Variants in GTF3C1 observed in about 807,000 individuals in gnomAD.
GTF3C1 encodes the protein general transcription factor 3C polypeptide 1.
In GTF3C1, 57 loss-of-function variants were observed where a neutral mutation model predicts 226.7. The observed-to-expected ratio is 0.25, with a 90% CI of 0.20 to 0.31. GTF3C1 has a LOEUF of 0.31. Ranked by LOEUF, GTF3C1 falls within the 10% of genes least tolerant of loss-of-function variation. GTF3C1 has a pLI of 1.00. For synonymous variants in GTF3C1, 1,090 were observed against 1,084.8 expected, an observed-to-expected ratio of 1.00 and a Z score of -0.09; for missense variants, 2,217 against 2,776.1, an observed-to-expected ratio of 0.80 and a Z score of 4.53.
Position 27,489,677 on chromosome 16 carries a change from C to G in GTF3C1, c.3218G>C (p.Ser1073Thr). 1.2e-6 allele frequency: 2 copies of G among 1,611,724 alleles called. No individual in the cohort carries two copies. The highest frequency in any genetic ancestry group is 2.2e-5 in the South Asian group (2 of 90,816). ...STDQGSDEEG[S>T]LQKEQESAMD... Reference sequence around the variant, plus strand: ...GGCGCTCTCCTGCTCCTTCTGCAGGCTGCCCTCCTCGTCGCTGCCCTGGTC... The same window carrying G: ...GGCGCTCTCCTGCTCCTTCTGCAGGGTGCCCTCCTCGTCGCTGCCCTGGTC... The change falls in exon 20 of 37, where the codon AGC becomes ACC. Residue 1073 changes from serine to threonine, a missense_variant. Ser to Thr is a moderately conservative substitution (Grantham distance 58). Around this residue, in one of 12 missense-constraint regions of GTF3C1, gnomAD observed 353 missense variants for 411.7 expected, o/e 0.86. Coordinates refer to ENST00000356183, the MANE Select transcript of GTF3C1 (RefSeq NM_001520.4).
At chr16:27,526,774 A>C (rs560265876) in intron 6 of GTF3C1, among the ~76,000 whole-genome samples, 84 of 152,288 alleles carry the variant, frequency 5.5e-4, no homozygotes, top group African/African-American at 1.9e-3. Flanking sequence ...CCTTTTCATC[A>C]CTATGGTGAA....
chr16:27,470,531 T>C lies in GTF3C1; in HGVS notation c.4527-136A>G, dbSNP rs902975274. 1.0e-5 allele frequency: 7 copies of C among 694,650 alleles called. No homozygotes were observed. The highest frequency in any genetic ancestry group is 1.7e-5 in the Non-Finnish European group (7 of 405,580). 43.0% of individuals were successfully genotyped at this position (694,650 alleles called of 1,614,324 possible). A position where few individuals can be genotyped will look rare whatever the true frequency, so the allele number is the denominator to read the frequency against. Reference sequence around the variant, plus strand: ...CCCACTTCTTCCCTAAAGCTCTCTGTCCCATCCCAGATGAAGGTGCTGCAT... The same window carrying C: ...CCCACTTCTTCCCTAAAGCTCTCTGCCCCATCCCAGATGAAGGTGCTGCAT... On this transcript the variant is annotated intron_variant, in intron 30 of 36. Coordinates refer to ENST00000356183, the MANE Select transcript of GTF3C1 (RefSeq NM_001520.4). This position sits in a 1 kb window ranked among gnomAD's most constrained non-coding sequence, Gnocchi z 4.9.
chr16:27,489,642 G>A lies in GTF3C1; in HGVS notation c.3253C>T (p.His1085Tyr). The A allele has an allele frequency of 6.2e-7, 1 of 1,611,186 alleles. No homozygotes were observed. The highest frequency in any genetic ancestry group is 1.1e-5 in the South Asian group (1 of 90,904). ...QKEQESAMDK[H>Y]NLERKCAMLE... The stretch of plus-strand genomic sequence containing the variant: ...ATGGCGCACTTGCGCTCCAGGTTGT[G>A]CTTGTCCATGGCGCTCTCCTGCTCC... The change falls in exon 20 of 37, where the codon CAC (histidine) becomes TAC (tyrosine). Residue 1085 changes from histidine to tyrosine, a missense_variant. By Grantham distance (83) the His-to-Tyr change is moderately conservative. Transcript: ENST00000356183.
intron 4 of GTF3C1, among the ~76,000 whole-genome samples, chr16:27,535,463 T>A (rs952933768): frequency 6.6e-6 from 1 of 151,798 alleles, no homozygotes; most frequent in Non-Finnish European, 1.5e-5. Flanking sequence ...TAGTACCAGC[T>A]ACTTGGGAGG....
chr16:27,545,587 T>C (rs752388543), intron 1 of GTF3C1, 64 bp from the exon 2 acceptor site: 7 of 960,238 alleles, frequency 7.3e-6, no homozygotes, highest in Non-Finnish European at 1.2e-5. Flanking sequence ...TGCTTGGCTG[T>C]GTTCTTTTGA....
Position 27,470,918 on chromosome 16 carries a change from G to A in GTF3C1, c.4527-523C>T, listed in dbSNP as rs1045710102. Among the ~76,000 whole-genome samples, 19 of 152,200 alleles carry A rather than the reference G, an allele frequency of 1.2e-4. No homozygotes were observed. Among genetic ancestry groups the A allele is most frequent in the African/African-American group, 4.3e-4 (18 of 41,454 alleles). ...TTCCTTGTCTGTGACCACTGCCCTCGGTTCAGATGGGGACATGCGGTCAGA... is the reference window on the plus strand; with the variant it reads ...TTCCTTGTCTGTGACCACTGCCCTCAGTTCAGATGGGGACATGCGGTCAGA... On this transcript the variant is annotated intron_variant, in intron 30 of 36. Coordinates refer to ENST00000356183, the MANE Select transcript of GTF3C1 (RefSeq NM_001520.4). The surrounding 1 kb of genome is among the most constrained non-coding windows in gnomAD (Gnocchi z 4.9).
chr16:27,483,290 G>A (rs758719901), intron 25 of GTF3C1, 165 bp from the exon 26 acceptor site: 12 of 724,384 alleles, frequency 1.7e-5, no homozygotes, highest in African/African-American at 3.5e-5. Context: ...GAAGGATTTG[G>A]GGTCAGCCAA....
In GTF3C1 at chr16:27,465,588, C is replaced by G. The variant is rs759932325; in HGVS notation, c.5075-48G>C. The G allele has an allele frequency of 5.5e-6, 8 of 1,460,594 alleles. No individual in the cohort carries two copies. In the African/African-American group the frequency reaches 9.7e-5, roughly 18 times the overall value. 90.5% of individuals were successfully genotyped at this position (1,460,594 alleles called of 1,614,324 possible). A position where few individuals can be genotyped will look rare whatever the true frequency, so the allele number is the denominator to read the frequency against. ...CAGAGGCAGCCCGACAGAGGCCCCC[C>G]TCCCCTGACCAATGCACAGGCCACA... On this transcript the variant is annotated intron_variant, in intron 32 of 36. Coordinates refer to ENST00000356183, the MANE Select transcript of GTF3C1 (RefSeq NM_001520.4).
chr16:27,548,754 A>C (rs888904991), intron 1 of GTF3C1, among the ~76,000 whole-genome samples: 1 of 152,182 alleles, frequency 6.6e-6, no homozygotes, highest in African/African-American at 2.4e-5. Context: ...AACAGCACCT[A>C]CCTCATAGGT....
intron 10 of GTF3C1, among the ~76,000 whole-genome samples, chr16:27,504,716 G>A (rs756511644): frequency 3.9e-5 from 6 of 152,052 alleles, no homozygotes; most frequent in Non-Finnish European, 8.8e-5. Flanking sequence ...AGGAGTTTGA[G>A]ACCAGCCTGG....
Position 27,465,271 on chromosome 16 carries a change from C to G in GTF3C1, c.5344G>C (p.Asp1782His). 1 of 1,614,134 alleles carries G rather than the reference C, an allele frequency of 6.2e-7. No individual in the cohort carries two copies. Among genetic ancestry groups the G allele is most frequent in the Non-Finnish European group, 8.5e-7 (1 of 1,179,998 alleles). Residue 1782 changes from aspartate (D) to histidine (H), a missense_variant, in exon 33 of 37, where the codon GAT becomes CAT. Asp to His is a moderately conservative substitution (Grantham distance 81). This residue lies in a region of GTF3C1 where 455 missense variants were observed against 441.9 expected (regional missense o/e 1.03). Transcript: ENST00000356183. ...AAAGCACAGCTCACCTGGATGCAAT[C>G]TGCGAATGTCCTGGTGCGCCCACCA... ...AGGGRTRTFA[D>H]CIQALLEQHQ...
intron 29 of GTF3C1, among the ~76,000 whole-genome samples, chr16:27,472,186 A>G (rs890036235): frequency 2.6e-5 from 4 of 152,118 alleles, no homozygotes; most frequent in African/African-American, 9.7e-5. Flanking sequence ...CTGACGAGAC[A>G]GGGGGGCTAT....
intron 34 of GTF3C1, 36 bp downstream of exon 34, chr16:27,464,284 G>A: frequency 1.5e-6 from 2 of 1,375,560 alleles, no homozygotes; most frequent in African/African-American, 1.5e-5. Flanking sequence ...AAGCCAGGGT[G>A]GGGTGAGGTG....
At chr16:27,481,044 G>T (rs187219323) in intron 27 of GTF3C1, 35 bp downstream of exon 27, 2 of 1,551,876 alleles carry the variant, frequency 1.3e-6, no homozygotes, top group South Asian at 2.2e-5. Flanking sequence ...CTTGCCCTGC[G>T]AGGGCCACAT....
At chr16:27,535,810 C>T (rs1433966624) in intron 4 of GTF3C1, among the ~76,000 whole-genome samples, 2 of 151,786 alleles carry the variant, frequency 1.3e-5, no homozygotes, top group Admixed American at 6.6e-5. Flanking sequence ...ATCGCGCCAT[C>T]GCACTCCAGC....
Position 27,510,659 on chromosome 16 carries a change from T to C in GTF3C1, c.1126+1090A>G, listed in dbSNP as rs141779257. Among the ~76,000 whole-genome samples, 48 of 152,192 alleles carry C rather than the reference T, an allele frequency of 3.2e-4. 1 individual carries two copies. Among genetic ancestry groups the C allele is most frequent in the African/African-American group, 8.7e-4 (36 of 41,530 alleles). On this transcript the variant is annotated intron_variant, in intron 7 of 36. Coordinates refer to ENST00000356183, the MANE Select transcript of GTF3C1 (RefSeq NM_001520.4). Reference sequence around the variant, plus strand: ...GCTACCAAACAGCCCTCCAGAAAGGTTGGGCCGACCCAACAGCTCAATCAG... The same window carrying C: ...GCTACCAAACAGCCCTCCAGAAAGGCTGGGCCGACCCAACAGCTCAATCAG...
chr16:27,485,367 G>A (rs909551366), intron 24 of GTF3C1, among the ~76,000 whole-genome samples: 2 of 152,258 alleles, frequency 1.3e-5, no homozygotes, highest in Non-Finnish European at 2.9e-5. Context: ...TCGCTGCCTT[G>A]TGGACCAGCC....
intron 6 of GTF3C1, among the ~76,000 whole-genome samples, chr16:27,513,979 T>C (rs1309341199): frequency 6.6e-6 from 1 of 152,126 alleles, no homozygotes; most frequent in Non-Finnish European, 1.5e-5. Context: ...GAGGTTCTTT[T>C]GGGGGCAGAG....
chr16:27,512,901 C>T (rs745995321), intron 6 of GTF3C1, among the ~76,000 whole-genome samples: 33 of 152,148 alleles, frequency 2.2e-4, no homozygotes, highest in Non-Finnish European at 3.1e-4. Context: ...GACTCAGTCA[C>T]GGTCATAGGT....
Sources: gnomAD v4.1 joint callset for allele counts (sites outside exome capture counted in the v4.1 genomes callset) on GRCh38, gnomAD v4.1.1 for gene constraint, gnomAD v4.1.1 regional missense constraint, Gnocchi (gnomAD v3.1) non-coding constraint, MANE v1.5 for transcripts, NCBI Gene and HGNC (gene_info 2026-07-23, HGNC 2026-07-21) for gene names.